ZNF92: variants seen among roughly 807,000 people sequenced by gnomAD.
ZNF92 encodes the protein zinc finger protein 92, also known as epididymis luminal protein 203.
ZNF92 carries 11 observed loss-of-function variants against 12.4 expected under a neutral mutation model. The observed-to-expected ratio is 0.89, with a 90% confidence interval of 0.56 to 1.47. The LOEUF is 1.47. Among genes scored for constraint, ZNF92 ranks in the 40% most tolerant of loss-of-function variants. ZNF92 has a pLI of 0.00. For synonymous variants in ZNF92, 206 were observed against 228.6 expected (o/e 0.90, Z 0.89); for missense variants, 622 against 681.0 (o/e 0.91, Z 0.96).
chr7:65,398,286 G>C, intron 3 of ZNF92, 55 bp from the exon 4 acceptor site: 1 of 1,377,520 alleles, frequency 7.3e-7, no homozygotes, highest in Non-Finnish European at 9.6e-7. Context: ...AATTTGTAAA[G>C]TATATTCATC....
intron 1 of ZNF92, 32 bp downstream of exon 1, chr7:65,374,032 G>C (rs367983039): frequency 1.2e-5 from 19 of 1,613,906 alleles, no homozygotes; most frequent in African/African-American, 5.3e-5. Context: ...TCCCGAGAGA[G>C]GGGGAGGGTC....
At chr7:65,374,100 C>G (rs1793167563) in intron 1 of ZNF92, 100 bp downstream of exon 1, 1 of 1,523,804 alleles carries the variant, frequency 6.6e-7, no homozygotes, top group Non-Finnish European at 9.1e-7. Flanking sequence ...GCAGTCGGCT[C>G]CGAGATCCGC....
In ZNF92 at chr7:65,399,814, A is replaced by C; in HGVS notation, c.1700A>C (p.His567Pro). The C allele has an allele frequency of 6.2e-7, 1 of 1,611,196 alleles. No homozygotes were observed. The highest frequency in any genetic ancestry group is 8.5e-7 in the Non-Finnish European group (1 of 1,178,674). The change falls in exon 4 of 4, where the codon CAT (histidine) becomes CCT (proline). Residue 567 changes from histidine to proline, a missense_variant. His to Pro is a moderately conservative substitution (Grantham distance 77). Coordinates refer to ENST00000328747, the MANE Select transcript of ZNF92 (RefSeq NM_152626.4). The stretch of plus-strand genomic sequence containing the variant: ...TATACTGGAGAGAAACCCTGCAAAC[A>C]TGAATGTGGCAGAGCCTTTAACAAA... Reference protein sequence around the residue: ...IIYTGEKPCKHECGRAFNKSS... With the variant: ...IIYTGEKPCKPECGRAFNKSS...
chr7:65,387,089 G>A (rs1174435265), intron 1 of ZNF92, among the ~76,000 whole-genome samples: 1 of 151,618 alleles, frequency 6.6e-6, no homozygotes, highest in African/African-American at 2.4e-5. Context: ...ACAGGCACGC[G>A]CCACCATGCC....
chr7:65,377,900 T>C (rs933143788), intron 1 of ZNF92, among the ~76,000 whole-genome samples: 2 of 152,120 alleles, frequency 1.3e-5, no homozygotes, highest in Non-Finnish European at 2.9e-5. Flanking sequence ...AAAGTTAGAA[T>C]TATGTAAAAA....
At chr7:65,389,549 G>T (rs1285381676) in intron 3 of ZNF92, among the ~76,000 whole-genome samples, 1 of 151,622 alleles carries the variant, frequency 6.6e-6, no homozygotes, top group African/African-American at 2.4e-5. Context: ...ACAGAGTCTC[G>T]CTCTGTCGCC....
At position 65,387,927 on chromosome 7, in the gene ZNF92, A is replaced by C. The variant is rs777349119; in HGVS notation, c.29A>C (p.Lys10Thr). The change falls in exon 2 of 4, where the codon AAA (lysine) becomes ACA (threonine). Residue 10 changes from lysine to threonine, a missense_variant. Physicochemically the swap from Lys to Thr is moderately conservative, Grantham distance 78. Transcript: ENST00000328747. ...GGACCACTGACATTTAGGGATGTGA[A>C]AATAGAATTCTCTCTAGAGGAATGG... MGPLTFRDV[K>T]IEFSLEEWQC... The C allele has an allele frequency of 6.2e-7, 1 of 1,607,462 alleles. No homozygotes were observed. The highest frequency in any genetic ancestry group is 8.5e-7 in the Non-Finnish European group (1 of 1,177,036).
intron 3 of ZNF92, among the ~76,000 whole-genome samples, chr7:65,395,638 C>T (rs1362283768): frequency 6.6e-6 from 1 of 152,050 alleles, no homozygotes; most frequent in African/African-American, 2.4e-5. Context: ...AGTTTACACT[C>T]CATCAATTCA....
chr7:65,379,485 G>A (rs1280401965), intron 1 of ZNF92, among the ~76,000 whole-genome samples: 1 of 152,008 alleles, frequency 6.6e-6, no homozygotes, highest in Admixed American at 6.6e-5. Context: ...TGAAAACTTA[G>A]AGGAAAGAAG....
At chr7:65,387,582 A>T (rs1793605693) in intron 1 of ZNF92, among the ~76,000 whole-genome samples, 1 of 149,944 alleles carries the variant, frequency 6.7e-6, no homozygotes, top group South Asian at 2.1e-4. Flanking sequence ...TTCTAACTCC[A>T]TGTCTTTTCC....
In ZNF92 at chr7:65,399,839, A is replaced by G; in HGVS notation, c.1725A>G (p.Lys575=). 1 of 1,595,784 alleles carries G rather than the reference A, an allele frequency of 6.3e-7. No homozygotes were observed. Among genetic ancestry groups the G allele is most frequent in the Non-Finnish European group, 8.5e-7 (1 of 1,172,436 alleles). Residue 575 remains lysine, a synonymous_variant, in exon 4 of 4, where the codon AAA becomes AAG. Coordinates refer to ENST00000328747, the MANE Select transcript of ZNF92 (RefSeq NM_152626.4). ...ATGAATGTGGCAGAGCCTTTAACAA[A>G]TCCTCAAATTATACTAAAGAGAAAC... ...CKHECGRAFN[K]SSNYTKEKLQ... is the part of the protein sequence containing the mutation.
intron 1 of ZNF92, among the ~76,000 whole-genome samples, chr7:65,386,556 GA>G (rs950869777): frequency 3.3e-5 from 5 of 152,072 alleles, no homozygotes; most frequent in Non-Finnish European, 7.4e-5. Flanking sequence ...ACAGGATTAA[GA>G]AAATGCTTTT....
At chr7:65,378,468 C>T (rs982596322) in intron 1 of ZNF92, among the ~76,000 whole-genome samples, 1 of 151,864 alleles carries the variant, frequency 6.6e-6, no homozygotes, top group South Asian at 2.1e-4. Flanking sequence ...TTTGGCCGGG[C>T]GTGGTGGCTC....
intron 1 of ZNF92, 31 bp downstream of exon 1, chr7:65,374,031 A>T (rs907634129): frequency 1.2e-6 from 2 of 1,613,902 alleles, no homozygotes; most frequent in South Asian, 1.1e-5. Flanking sequence ...ATCCCGAGAG[A>T]GGGGGAGGGT....
chr7:65,396,420 A>C (rs2116400844), intron 3 of ZNF92, among the ~76,000 whole-genome samples: 1 of 152,172 alleles, frequency 6.6e-6, no homozygotes, highest in South Asian at 2.1e-4. Context: ...GATTATATAA[A>C]ACATCTTAAA....
intron 1 of ZNF92, among the ~76,000 whole-genome samples, chr7:65,384,191 A>C (rs989600213): frequency 7.9e-5 from 12 of 152,172 alleles, no homozygotes; most frequent in Non-Finnish European, 1.3e-4. Context: ...ATATGTTATA[A>C]AATTGACAGG....
chr7:65,382,381 G>T (rs543491463), intron 1 of ZNF92, among the ~76,000 whole-genome samples: 24 of 152,088 alleles, frequency 1.6e-4, no homozygotes, highest in South Asian at 1.2e-3. Flanking sequence ...TACCACACAT[G>T]ATATAAACAT....
At chr7:65,396,655 A>T (rs1793854160) in intron 3 of ZNF92, among the ~76,000 whole-genome samples, 1 of 151,892 alleles carries the variant, frequency 6.6e-6, no homozygotes, top group Non-Finnish European at 1.5e-5. Context: ...GCATTATTTT[A>T]TTTTTCAACA....
At position 65,399,805 on chromosome 7, in the gene ZNF92, C is replaced by T; in HGVS notation, c.1691C>T (p.Pro564Leu). Residue 564 changes from proline to leucine, a missense_variant, in exon 4 of 4, where the codon CCC becomes CTC. Pro to Leu is a moderately conservative substitution (Grantham distance 98). Transcript: ENST00000328747. ...CAGATAATTTATACTGGAGAGAAAC[C>T]CTGCAAACATGAATGTGGCAGAGCC... ...THQIIYTGEK[P>L]CKHECGRAFN... 6.2e-7 allele frequency: 1 copy of T among 1,611,738 alleles called. No homozygotes were observed. Among genetic ancestry groups the T allele is most frequent in the Non-Finnish European group, 8.5e-7 (1 of 1,178,914 alleles).
Sources: allele counts gnomAD v4.1 joint callset (sites outside exome capture counted in the v4.1 genomes callset), GRCh38; gene constraint gnomAD v4.1.1; transcripts MANE v1.5; gene names NCBI Gene and HGNC (gene_info 2026-07-23, HGNC 2026-07-21).